The following RASA3 variants were observed in gnomAD, a reference collection of about 807,000 sequenced individuals.
RASA3 encodes the protein RAS p21 protein activator 3.
A neutral mutation model predicts 110.0 loss-of-function variants in RASA3; 73 were observed. The ratio of observed to expected loss-of-function variants is 0.66; its 90% CI spans 0.55 to 0.81. The LOEUF (loss-of-function observed/expected upper bound fraction) is 0.81. Ranked by LOEUF, RASA3 falls within the 30% of genes least tolerant of loss-of-function variation. The probability of loss-of-function intolerance (pLI) is 0.00; values close to 1 mark genes in which losing one functional copy is unlikely to be tolerated. For synonymous variants in RASA3, 500 were observed against 451.4 expected, an observed-to-expected ratio of 1.11 and a Z score of -1.37; for missense variants, 976 against 1,113.2, an observed-to-expected ratio of 0.88 and a Z score of 1.75.
chr13:114,042,407 G>A (rs373764248), intron 3 of RASA3, among the ~76,000 whole-genome samples: 19 of 152,384 alleles, frequency 1.2e-4, no homozygotes, highest in African/African-American at 4.3e-4. Flanking sequence ...GCCCATCACA[G>A]AGCACACACG....
At chr13:114,078,008 A>G (rs1030400663) in intron 1 of RASA3, 1 of 956,108 alleles carries the variant, frequency 1.0e-6, no homozygotes, top group Admixed American at 6.3e-5. Context: ...AAAAAAAAAA[A>G]CTCCTGAGAA....
intron 2 of RASA3, 93 bp from the exon 3 acceptor site, chr13:114,052,248 C>G: frequency 2.5e-6 from 2 of 796,950 alleles, no homozygotes; most frequent in South Asian, 3.0e-5. Context: ...TTTAAACATG[C>G]CATAAGAATG....
intron 1 of RASA3, among the ~76,000 whole-genome samples, chr13:114,110,626 CTCA>C (rs1700420476): frequency 1.3e-5 from 2 of 152,212 alleles, no homozygotes; most frequent in African/African-American, 4.8e-5. Flanking sequence ...GCCCCGTTTC[CTCA>C]TCAGCAACAA....
At chr13:114,026,958 C>G (rs1403381970) in intron 7 of RASA3, among the ~76,000 whole-genome samples, 1 of 152,258 alleles carries the variant, frequency 6.6e-6, no homozygotes, top group Non-Finnish European at 1.5e-5. Context: ...GTTTCAAAAC[C>G]CTGCCTATTT....
At chr13:114,009,151 G>C (rs2053577605) in intron 17 of RASA3, among the ~76,000 whole-genome samples, 1 of 152,236 alleles carries the variant, frequency 6.6e-6, no homozygotes, top group Admixed American at 6.5e-5. Context: ...GATGGGCGAG[G>C]GCCCCGTTTT....
chr13:114,054,934 G>T (rs1187266576), intron 2 of RASA3, among the ~76,000 whole-genome samples: 3 of 152,170 alleles, frequency 2.0e-5, no homozygotes, highest in Non-Finnish European at 4.4e-5. Context: ...AGGGGTGTGT[G>T]TGCCCACAGG....
At position 114,071,028 on chromosome 13, in the gene RASA3, C is replaced by T. The variant is rs542714681; in HGVS notation, c.173+2692G>A. 5.9e-5 allele frequency among the ~76,000 whole-genome samples: 9 copies of T among 152,080 alleles called. No individual in the cohort carries two copies. In the East Asian group the frequency reaches 1.2e-3, roughly 20 times the overall value. On this transcript the variant is annotated intron_variant, in intron 2 of 23. Transcript: ENST00000334062. ...CAGTGTTACACGTGGGCAGGGCTGC[C>T]GGCGTCCACGCTAAACGGTGCCACA...
intron 2 of RASA3, among the ~76,000 whole-genome samples, chr13:114,063,130 T>C (rs1446948795): frequency 6.6e-6 from 1 of 152,182 alleles, no homozygotes; most frequent in African/African-American, 2.4e-5. Flanking sequence ...GAATTGTACA[T>C]TTCAAAATGG....
At chr13:113,995,802 A>AC (rs1233982727) in intron 21 of RASA3, among the ~76,000 whole-genome samples, 2,042 of 15,454 alleles carry the variant, frequency 0.13, 519 homozygotes, top group East Asian at 0.32. Context: ...GGTCCGGCTG[A>AC]TGGGGGTCCG....
intron 2 of RASA3, among the ~76,000 whole-genome samples, chr13:114,073,139 T>C (rs1013510142): frequency 6.7e-5 from 10 of 148,998 alleles, no homozygotes; most frequent in African/African-American, 2.2e-4. Flanking sequence ...GGGACGGTGA[T>C]GTACATGCTT....
At chr13:114,055,216 C>G (rs2079223881) in intron 2 of RASA3, among the ~76,000 whole-genome samples, 1 of 152,234 alleles carries the variant, frequency 6.6e-6, no homozygotes, top group Non-Finnish European at 1.5e-5. Context: ...CATGTGTGCT[C>G]ACAGGCATGT....
At chr13:114,118,145 T>C (rs1027280759) in intron 1 of RASA3, among the ~76,000 whole-genome samples, 1 of 152,080 alleles carries the variant, frequency 6.6e-6, no homozygotes, top group African/African-American at 2.4e-5. Context: ...GCCACGTTCA[T>C]GGGTTTGTCT....
rs151326769 is a variant in RASA3, at chr13:114,056,314, G to A, written c.174-4159C>T. On this transcript the variant is annotated intron_variant, in intron 2 of 23. Transcript: ENST00000334062. The surrounding 1 kb of genome is among the most constrained non-coding windows in gnomAD (Gnocchi z 5.7). ...GCGTGTCCGGTGCGTGGTGAGGGGCGGTGAGATGAGGATGCCAGCGCTAAG... is the reference window on the plus strand; with the variant it reads ...GCGTGTCCGGTGCGTGGTGAGGGGCAGTGAGATGAGGATGCCAGCGCTAAG... 2.0e-4 allele frequency: 69 copies of A among 353,838 alleles called. No homozygotes were observed. The highest frequency in any genetic ancestry group is 1.4e-3 in the Middle Eastern group (1 of 740). The allele number at this position is 353,838 out of a possible 1,614,324, so 21.9% of individuals were successfully genotyped here. A position where few individuals can be genotyped will look rare whatever the true frequency, so the allele number is the denominator to read the frequency against.
At chr13:114,125,319 G>A (rs1391208390) in intron 1 of RASA3, among the ~76,000 whole-genome samples, 1 of 152,190 alleles carries the variant, frequency 6.6e-6, no homozygotes, top group African/African-American at 2.4e-5. Context: ...ATTGGTCACG[G>A]TGCTGCAAGC....
intron 1 of RASA3, among the ~76,000 whole-genome samples, chr13:114,079,523 G>A (rs1434180692): frequency 6.6e-6 from 1 of 152,190 alleles, no homozygotes; most frequent in African/African-American, 2.4e-5. Flanking sequence ...GTATTTACCG[G>A]AACAATAGTC....
At chr13:114,097,394 A>G (rs1244443101) in intron 1 of RASA3, among the ~76,000 whole-genome samples, 1 of 152,216 alleles carries the variant, frequency 6.6e-6, no homozygotes, top group African/African-American at 2.4e-5. Flanking sequence ...GCAAACACCC[A>G]AACACCCATC....
chr13:114,041,147 A>G, intron 3 of RASA3, 53 bp from the exon 4 acceptor site: 2 of 1,500,874 alleles, frequency 1.3e-6, no homozygotes, highest in East Asian at 2.3e-5. Context: ...CAGAGCCAGG[A>G]CGCCTGTGAG....
rs554541482 is a variant in RASA3, at chr13:113,984,332, C to T, written c.2246-2474G>A. On this transcript the variant is annotated intron_variant, in intron 22 of 23. Transcript: ENST00000334062. ...CCTATCCATCCACCCATCACTCACC[C>T]ATCCGTCCACCTACCCATCACTCAC... is the stretch of plus-strand genomic sequence containing the variant. Among the ~76,000 whole-genome samples the T allele has an allele frequency of 3.3e-4, 41 of 122,402 alleles. 1 individual carries two copies. The highest frequency in any genetic ancestry group is 1.0e-3 in the African/African-American group (38 of 36,586). The allele number at this position is 122,402 out of a possible 152,430, so 80.3% of individuals were successfully genotyped here.
At chr13:114,118,095 G>A (rs1275780069) in intron 1 of RASA3, among the ~76,000 whole-genome samples, 1 of 152,110 alleles carries the variant, frequency 6.6e-6, no homozygotes, top group South Asian at 2.1e-4. Flanking sequence ...ACCTCTGCAA[G>A]GAGGCTGAAA....
Sources: allele counts gnomAD v4.1 joint callset (sites outside exome capture counted in the v4.1 genomes callset), GRCh38; gene constraint gnomAD v4.1.1; non-coding constraint Gnocchi (gnomAD v3.1); transcripts MANE v1.5; gene names NCBI Gene and HGNC (gene_info 2026-07-23, HGNC 2026-07-21).